Variants in DYSF observed in about 807,000 individuals in gnomAD.
The protein encoded by DYSF is dysferlin.
DYSF carries 212 observed loss-of-function variants against 274.9 expected under a neutral mutation model. The observed-to-expected ratio is 0.77, with a 90% CI of 0.69 to 0.86. DYSF has a LOEUF of 0.86. Ranked by LOEUF, DYSF falls within the 40% of genes least tolerant of loss-of-function variation. The pLI, the probability that DYSF is intolerant of heterozygous loss-of-function variation, is 0.00. For missense variants in DYSF, 2,666 were observed against 2,783.2 expected (o/e 0.96, Z 0.95); for synonymous variants, 1,091 against 1,078.7 (o/e 1.01, Z -0.22).
intron 3 of DYSF, among the ~76,000 whole-genome samples, chr2:71,498,307 G>A (rs573761524): frequency 2.0e-4 from 31 of 152,306 alleles, no homozygotes; most frequent in African/African-American, 6.0e-4. Context: ...AGCTGTTAGC[G>A]AGATCTGGCC....
chr2:71,570,010 G>C, intron 27 of DYSF, 76 bp downstream of exon 27: 1 of 1,365,348 alleles, frequency 7.3e-7, no homozygotes, highest in Non-Finnish European at 1.0e-6. Context: ...GGGACAGGTG[G>C]GGCATGTTTC....
rs531051313 is a variant in DYSF at position 71,608,736 on chromosome 2, G to C, written c.3958-2509G>C. Among the ~76,000 whole-genome samples, 5 of 145,400 alleles carry C rather than the reference G, an allele frequency of 3.4e-5. No individual in the cohort carries two copies. The South Asian group carries it at 1.0e-3, about 30-fold the overall frequency. ...GGAATGTCATCACCACGGAGCTCGAGGGAGCCCCGAGGGACAGACCGAGGA... is the reference window on the plus strand; with the variant it reads ...GGAATGTCATCACCACGGAGCTCGACGGAGCCCCGAGGGACAGACCGAGGA... On this transcript the variant is annotated intron_variant, in intron 36 of 55. Transcript: ENST00000410020.
rs151054827 is a variant in DYSF, at chr2:71,513,727, G to A, written c.565G>A (p.Glu189Lys). 37 of 1,613,912 alleles carry A rather than the reference G, an allele frequency of 2.3e-5. No homozygotes were observed. The African/African-American group carries it at 4.8e-4, about 21-fold the overall frequency. Residue 189 changes from glutamate (E) to lysine (K), a missense_variant, in exon 7 of 56, where the codon GAG becomes AAG. Physicochemically the swap from Glu to Lys is moderately conservative, Grantham distance 56 (BLOSUM62 1). Around this residue, in one of 3 missense-constraint regions of DYSF, gnomAD observed 794 missense variants for 777.1 expected, o/e 1.02. Transcript: ENST00000410020. Reference protein sequence around the residue: ...KWPAPTDTGGEEDTEDQGLTG... With the variant: ...KWPAPTDTGGKEDTEDQGLTG... ...CCCTCTCCTCTTAGACACAGGAGGA[G>A]AGGAAGACACAGAGGACCAGGGACT... is the stretch of plus-strand genomic sequence containing the variant.
In DYSF at chr2:71,611,425, C is replaced by T. The variant is rs2303605; in HGVS notation, c.4060-40C>T. ...CCTGGCCCCAGCCTTTCCTGGGGCC[C>T]GGGGCCTTCTGAGCCACTCTCCTCA... On this transcript the variant is annotated intron_variant, in intron 37 of 55. Coordinates refer to ENST00000410020, the MANE Select transcript of DYSF (RefSeq NM_001130987.2). The T allele has an allele frequency of 2.6e-3, 4,233 of 1,614,060 alleles. 170 individuals are homozygous for T. In the East Asian group the frequency reaches 0.078, roughly 30 times the overall value.
At position 71,658,850 on chromosome 2, in the gene DYSF, A is replaced by G. The variant is rs755142464; in HGVS notation, c.4756-28A>G. The G allele has an allele frequency of 5.6e-6, 9 of 1,613,956 alleles. No homozygotes were observed. In the African/African-American group the frequency reaches 1.1e-4, roughly 19 times the overall value. On this transcript the variant is annotated intron_variant, in intron 43 of 55. Transcript: ENST00000410020. ...AACCATATCAACAATGATGATAAAA[A>G]TGAAAATTAACCCTTCCTTCTTTTC...
At chr2:71,533,264 C>T (rs1264370134) in intron 14 of DYSF, among the ~76,000 whole-genome samples, 1 of 152,240 alleles carries the variant, frequency 6.6e-6, no homozygotes, top group Non-Finnish European at 1.5e-5. Context: ...AAGTGACCCA[C>T]CTGCCTTGGG....
Position 71,454,428 on chromosome 2 carries a change from C to T in DYSF, c.88+342C>T, listed in dbSNP as rs374203154. Among the ~76,000 whole-genome samples, 26 of 152,294 alleles carry T rather than the reference C, an allele frequency of 1.7e-4. No homozygotes were observed. In the East Asian group the frequency reaches 2.1e-3, roughly 12 times the overall value. Reference sequence around the variant, plus strand: ...TTGCCGGCGGCGAAGCGCTGTACTGCAGGGCTCTCCTCCTTCTCCCCTGAA... The same window carrying T: ...TTGCCGGCGGCGAAGCGCTGTACTGTAGGGCTCTCCTCCTTCTCCCCTGAA... On this transcript the variant is annotated intron_variant, in intron 1 of 54. Transcript: ENST00000258104.
rs201797348 is a variant in DYSF at position 71,515,637 on chromosome 2, G to A, written c.774G>A (p.Val258=). The part of the protein sequence containing the change: ...KPQDFQIRVQ[V]IEGRQLPGVN... ...CTGGCTTTCAGATCAGGGTCCAGGT[G>A]ATCGAGGGGCGCCAGCTGCCGGGGG... is the stretch of plus-strand genomic sequence containing the variant. Residue 258 remains valine, a synonymous_variant, in exon 8 of 56, where the codon GTG becomes GTA. Coordinates refer to ENST00000410020, the MANE Select transcript of DYSF (RefSeq NM_001130987.2). The A allele has an allele frequency of 1.1e-5, 18 of 1,613,922 alleles. No homozygotes were observed. In the East Asian group the frequency reaches 3.8e-4, roughly 34 times the overall value.
upstream of DYSF, among the ~76,000 whole-genome samples, chr2:71,465,681 C>G (rs2081487514): frequency 6.6e-6 from 1 of 152,122 alleles, no homozygotes; most frequent in African/African-American, 2.4e-5. Context: ...TTTTGCGCAG[C>G]AGTGCGTTTA....
intron 1 of DYSF, among the ~76,000 whole-genome samples, chr2:71,475,509 A>T (rs751531744): frequency 4.6e-5 from 7 of 152,208 alleles, no homozygotes; most frequent in Non-Finnish European, 1.0e-4. Flanking sequence ...AAGAGAGATC[A>T]GCTACCTCTT....
intron 8 of DYSF, 44 bp downstream of exon 8, chr2:71,515,795 C>T (rs773729015): frequency 8.7e-6 from 14 of 1,612,626 alleles, no homozygotes; most frequent in Non-Finnish European, 1.2e-5. Flanking sequence ...GGTGGGCCTT[C>T]CAATCTGGAA....
chr2:71,471,237 A>G (rs1352224770), intron 1 of DYSF, among the ~76,000 whole-genome samples: 1 of 152,084 alleles, frequency 6.6e-6, no homozygotes, highest in African/African-American at 2.4e-5. Context: ...TTCCTCCAAG[A>G]TTTTTTTTCT....
chr2:71,477,629 T>G (rs1043589420), intron 1 of DYSF, among the ~76,000 whole-genome samples: 3 of 152,232 alleles, frequency 2.0e-5, no homozygotes, highest in African/African-American at 7.2e-5. Context: ...CGTAACTGAC[T>G]GAACAAAAAT....
chr2:71,546,264 G>C (rs1232409806), intron 17 of DYSF, among the ~76,000 whole-genome samples: 3 of 152,246 alleles, frequency 2.0e-5, no homozygotes, highest in African/African-American at 7.2e-5. Context: ...CCACGTTGTG[G>C]GCTTGTAGCC....
At chr2:71,461,785 G>T (rs1176776655), upstream of DYSF, among the ~76,000 whole-genome samples, 1 of 152,304 alleles carries the variant, frequency 6.6e-6, no homozygotes, top group African/African-American at 2.4e-5. Flanking sequence ...AAAGTCACAG[G>T]GGTCAGTAAG....
chr2:71,531,873 C>T (rs1283690710), intron 14 of DYSF, among the ~76,000 whole-genome samples: 4 of 152,058 alleles, frequency 2.6e-5, no homozygotes, highest in Non-Finnish European at 5.9e-5. Context: ...AGTAAGGTGT[C>T]CTTCAACAGA....
At chr2:71,500,842 T>G (rs538382375) in intron 3 of DYSF, among the ~76,000 whole-genome samples, 32 of 152,070 alleles carry the variant, frequency 2.1e-4, no homozygotes, top group African/African-American at 7.5e-4. Flanking sequence ...ACAGGGAACC[T>G]AGATACCCGG....
chr2:71,502,617 C>T (rs1327280743), intron 3 of DYSF, among the ~76,000 whole-genome samples: 1 of 152,204 alleles, frequency 6.6e-6, no homozygotes, highest in African/African-American at 2.4e-5. Context: ...TGCCCCACCC[C>T]TCCTGTCAGT....
chr2:71,491,219 A>G (rs2083826028), intron 3 of DYSF, among the ~76,000 whole-genome samples: 1 of 152,184 alleles, frequency 6.6e-6, no homozygotes, highest in Non-Finnish European at 1.5e-5. Flanking sequence ...ATTGCCAATC[A>G]TTGTATTTTG....
Sources: allele counts gnomAD v4.1 joint callset (sites outside exome capture counted in the v4.1 genomes callset), GRCh38; gene constraint gnomAD v4.1.1; regional missense constraint gnomAD v4.1.1; transcripts MANE v1.5; gene names NCBI Gene and HGNC (gene_info 2026-07-23, HGNC 2026-07-21).